MICAL3: variants seen among roughly 807,000 people sequenced by gnomAD.
MICAL3 encodes the protein microtubule associated monooxygenase, calponin and LIM domain containing 3.
Under a neutral mutation model 207.4 loss-of-function variants are expected in MICAL3, and 62 were observed. The observed-to-expected ratio is 0.30, with a 90% CI of 0.24 to 0.37. MICAL3 has a LOEUF of 0.37. Ranked by LOEUF, MICAL3 falls within the 10% of genes least tolerant of loss-of-function variation. The pLI is 1.00. For missense variants in MICAL3, 2,368 were observed against 2,635.6 expected, an observed-to-expected ratio of 0.90 and a Z score of 2.22; for synonymous variants, 1,077 against 1,069.3, an observed-to-expected ratio of 1.01 and a Z score of -0.14.
At chr22:17,974,723 T>TAA (rs5844339) in intron 1 of MICAL3, among the ~76,000 whole-genome samples, 67 of 106,048 alleles carry the variant, frequency 6.3e-4, no homozygotes, top group Admixed American at 1.8e-3. Flanking sequence ...GACTCCGTCT[T>TAA]AAAAAAAAAA....
intron 1 of MICAL3, chr22:17,980,844 T>A (rs770274716): frequency 3.1e-5 from 16 of 516,632 alleles, no homozygotes; most frequent in South Asian, 2.2e-4. Context: ...TGCTGGCCCG[T>A]CACCCTCAGT....
At chr22:17,797,751 G>A (rs989742539) in intron 29 of MICAL3, among the ~76,000 whole-genome samples, 3 of 152,208 alleles carry the variant, frequency 2.0e-5, no homozygotes, top group Admixed American at 2.0e-4. Context: ...ACTAATTTAT[G>A]CCAGAAATGT....
At chr22:17,966,068 C>G (rs1210313105) in intron 1 of MICAL3, among the ~76,000 whole-genome samples, 1 of 152,206 alleles carries the variant, frequency 6.6e-6, no homozygotes, top group Admixed American at 6.5e-5. Context: ...GGAGGTAACT[C>G]CATGCCATGC....
At chr22:17,797,843 A>G (rs953788078) in intron 29 of MICAL3, among the ~76,000 whole-genome samples, 9 of 152,256 alleles carry the variant, frequency 5.9e-5, no homozygotes, top group African/African-American at 2.2e-4. Flanking sequence ...GCACAGCCAC[A>G]GCGGGCAGGC....
chr22:17,826,005 G>A (rs1922142466), intron 22 of MICAL3, among the ~76,000 whole-genome samples: 1 of 152,138 alleles, frequency 6.6e-6, no homozygotes, highest in Admixed American at 6.6e-5. Context: ...CCCATCCTCT[G>A]CTCTTCCCTC....
intron 16 of MICAL3, among the ~76,000 whole-genome samples, chr22:17,883,237 C>G (rs113816251): frequency 2.6e-5 from 4 of 152,342 alleles, no homozygotes; most frequent in African/African-American, 9.6e-5. Flanking sequence ...CTCCCTCATG[C>G]ACAGAGAAAG....
chr22:17,879,063 C>T (rs2146203481), intron 16 of MICAL3, among the ~76,000 whole-genome samples: 1 of 152,344 alleles, frequency 6.6e-6, no homozygotes, highest in Non-Finnish European at 1.5e-5. Context: ...GGAAGGGGAA[C>T]AGTGGGCAGA....
chr22:17,788,640 A>G lies in MICAL3; in HGVS notation c.*2092T>C, dbSNP rs2061803859. On this transcript the variant is annotated 3_prime_UTR_variant, in exon 32 of 32. Transcript: ENST00000441493. ...AACCCTCCTCTCCCCTTTTTTAAGT[A>G]AAGAGAAAAGAAAAGGAGACCTTTG... 1 of 152,238 alleles carries G rather than the reference A, an allele frequency of 6.6e-6. No homozygotes were observed. The highest frequency in any genetic ancestry group is 2.1e-4 in the South Asian group (1 of 4,834). 9.4% of individuals were successfully genotyped at this position (152,238 alleles called of 1,614,324 possible).
At chr22:17,993,881 G>C (rs1218039695) in intron 1 of MICAL3, among the ~76,000 whole-genome samples, 1 of 152,120 alleles carries the variant, frequency 6.6e-6, no homozygotes, top group Non-Finnish European at 1.5e-5. Flanking sequence ...GCCCAAGTCA[G>C]TTGCCCTCAA....
intron 20 of MICAL3, among the ~76,000 whole-genome samples, chr22:17,835,002 C>A (rs549750982): frequency 5.9e-5 from 9 of 152,336 alleles, no homozygotes; most frequent in African/African-American, 2.2e-4. Context: ...CAGGGCAGGG[C>A]CGCACTGCAG....
chr22:17,818,961 T>G lies in MICAL3; in HGVS notation c.3700A>C (p.Arg1234=), dbSNP rs1345333379. ...GGGCTCCCTGGTGAGACAGGAGTCC[T>G]AGCTTCTGGCAGGGTCACTGGCTGT... ...RSQPVTLPEA[R]TPVSPGSPQP... The change falls in exon 26 of 32, where the codon AGG becomes CGG. Residue 1234 remains arginine, a synonymous_variant. Transcript: ENST00000441493. 2 of 1,604,790 alleles carry G rather than the reference T, an allele frequency of 1.2e-6. No individual in the cohort carries two copies. The highest frequency in any genetic ancestry group is 2.2e-5 in the South Asian group (2 of 89,858).
At chr22:17,898,591 T>G (rs764503581) in intron 7 of MICAL3, among the ~76,000 whole-genome samples, 1 of 152,252 alleles carries the variant, frequency 6.6e-6, no homozygotes, top group Non-Finnish European at 1.5e-5. Context: ...GAAATTCAGC[T>G]GTGAGTCTCT....
intron 19 of MICAL3, among the ~76,000 whole-genome samples, chr22:17,849,683 T>C (rs1320452183): frequency 5.6e-5 from 7 of 125,784 alleles, no homozygotes; most frequent in African/African-American, 2.2e-4. Flanking sequence ...TGTGTGTGTG[T>C]GTGTATTTTT....
intron 1 of MICAL3, among the ~76,000 whole-genome samples, chr22:17,944,645 A>G (rs1432729895): frequency 6.6e-6 from 1 of 152,210 alleles, no homozygotes; most frequent in African/African-American, 2.4e-5. Context: ...CACTGACGAT[A>G]GGACTGTGGG....
At chr22:18,023,422 C>G (rs1924607516) in intron 1 of MICAL3, among the ~76,000 whole-genome samples, 1 of 141,822 alleles carries the variant, frequency 7.1e-6, no homozygotes, top group African/African-American at 2.5e-5. Context: ...CTCGGTTTCA[C>G]CCTTTTTTCA....
At chr22:18,017,284 G>A (rs1443795254) in intron 1 of MICAL3, among the ~76,000 whole-genome samples, 1 of 152,048 alleles carries the variant, frequency 6.6e-6, no homozygotes, top group Non-Finnish European at 1.5e-5. Flanking sequence ...CGCAATCTCG[G>A]CTCACTGCAA....
At chr22:18,024,021 G>C (rs1924648008) in intron 1 of MICAL3, among the ~76,000 whole-genome samples, 1 of 152,212 alleles carries the variant, frequency 6.6e-6, no homozygotes, top group Admixed American at 6.5e-5. Context: ...AGGCTCTGGG[G>C]AGTGTGTGGT....
rs1442833094 is a variant in MICAL3, at chr22:17,872,832, C to T, written c.2242-809G>A. The T allele has an allele frequency of 1.9e-6, 3 of 1,611,188 alleles. No homozygotes were observed. The Admixed American group carries it at 5.0e-5, about 27-fold the overall frequency. On this transcript the variant is annotated intron_variant, in intron 16 of 31. Transcript: ENST00000441493. ...CTGCTCAGCCAATGAGCTCACTCCG[C>T]CCGTGTACATCTTTATATACTTCTA...
intron 1 of MICAL3, among the ~76,000 whole-genome samples, chr22:17,912,384 AT>A (rs1195500904): frequency 2.7e-5 from 4 of 150,544 alleles, no homozygotes; most frequent in Non-Finnish European, 5.9e-5. Context: ...AAAAAAAAAA[AT>A]CATTGGGATT....
Sources: allele counts gnomAD v4.1 joint callset (sites outside exome capture counted in the v4.1 genomes callset), GRCh38; gene constraint gnomAD v4.1.1; transcripts MANE v1.5; gene names NCBI Gene and HGNC (gene_info 2026-07-23, HGNC 2026-07-21).